Variants in KDM4C observed in about 807,000 individuals in gnomAD.
KDM4C encodes the protein lysine demethylase 4C.
KDM4C carries 81 observed loss-of-function variants against 129.3 expected under a neutral mutation model. The ratio of observed to expected loss-of-function variants is 0.63; its 90% CI spans 0.52 to 0.75. The LOEUF is 0.75. Among genes scored for constraint, KDM4C ranks in the 30% least tolerant of loss-of-function variants. The pLI is 0.00. For missense variants in KDM4C, 1,457 were observed against 1,304.0 expected (o/e 1.12, Z -1.81); for synonymous variants, 573 against 456.1 (o/e 1.26, Z -3.26).
At chr9:6,792,356 A>G (rs1247995531) in intron 1 of KDM4C, among the ~76,000 whole-genome samples, 1 of 101,890 alleles carries the variant, frequency 9.8e-6, no homozygotes, top group Non-Finnish European at 2.1e-5. Flanking sequence ...AAAAATTTTT[A>G]TTTATTTTTT....
intron 2 of KDM4C, among the ~76,000 whole-genome samples, chr9:6,798,611 C>G (rs1335910941): frequency 1.3e-5 from 2 of 152,186 alleles, no homozygotes; most frequent in African/African-American, 4.8e-5. Context: ...TAGTATAGAA[C>G]AAAATGAAAA....
intron 5 of KDM4C, among the ~76,000 whole-genome samples, chr9:6,878,690 A>G (rs575679285): frequency 2.0e-5 from 3 of 152,248 alleles, no homozygotes; most frequent in Admixed American, 6.5e-5. Flanking sequence ...ATATCTCCAT[A>G]TCCTACCTTT....
At chr9:6,832,464 C>T (rs1588571902) in intron 4 of KDM4C, among the ~76,000 whole-genome samples, 1 of 123,770 alleles carries the variant, frequency 8.1e-6, no homozygotes, top group African/African-American at 3.2e-5. Context: ...CTCGCTCTGT[C>T]ACCCAGGCTG....
chr9:7,003,897 C>T (rs561550925), intron 12 of KDM4C, among the ~76,000 whole-genome samples: 2 of 152,270 alleles, frequency 1.3e-5, no homozygotes, highest in South Asian at 4.2e-4. Context: ...CACTTCTGCA[C>T]TTATCCCACC....
At chr9:6,970,454 G>A (rs899574468) in intron 8 of KDM4C, among the ~76,000 whole-genome samples, 4 of 152,214 alleles carry the variant, frequency 2.6e-5, no homozygotes, top group Non-Finnish European at 4.4e-5. Context: ...TGTAGCACAA[G>A]TATTAAATTT....
intron 1 of KDM4C, among the ~76,000 whole-genome samples, chr9:6,732,750 C>G (rs769182727): frequency 1.3e-5 from 2 of 148,370 alleles, no homozygotes; most frequent in Admixed American, 6.7e-5. Context: ...TGATGGCTCA[C>G]GCCTATAACT....
intron 17 of KDM4C, among the ~76,000 whole-genome samples, chr9:7,069,483 C>T (rs1005608680): frequency 1.3e-5 from 2 of 152,096 alleles, no homozygotes; most frequent in African/African-American, 4.8e-5. Flanking sequence ...CTGCACTCCA[C>T]CCTAGGCTAC....
chr9:6,903,223 G>A (rs1290098073), intron 8 of KDM4C, among the ~76,000 whole-genome samples: 2 of 152,136 alleles, frequency 1.3e-5, no homozygotes, highest in African/African-American at 4.8e-5. Flanking sequence ...CATATTCAGG[G>A]TTGTCCTTTG....
intron 17 of KDM4C, among the ~76,000 whole-genome samples, chr9:7,092,461 A>G (rs1248055963): frequency 6.6e-6 from 1 of 152,208 alleles, no homozygotes; most frequent in Non-Finnish European, 1.5e-5. Context: ...CTCATTTTGC[A>G]TTAATCTGAC....
At chr9:6,833,443 G>A (rs1346767756) in intron 4 of KDM4C, among the ~76,000 whole-genome samples, 3 of 152,154 alleles carry the variant, frequency 2.0e-5, no homozygotes, top group Admixed American at 2.0e-4. Flanking sequence ...TGTAGTCAGA[G>A]TTGACTTACT....
At chr9:7,144,624 C>T (rs1002697163) in intron 19 of KDM4C, among the ~76,000 whole-genome samples, 1 of 152,256 alleles carries the variant, frequency 6.6e-6, no homozygotes, top group Admixed American at 6.5e-5. Flanking sequence ...AATGTGGCCC[C>T]TGGCCCCACC....
intron 18 of KDM4C, among the ~76,000 whole-genome samples, chr9:7,127,192 C>G (rs927935346): frequency 1.3e-5 from 2 of 152,100 alleles, no homozygotes; most frequent in Non-Finnish European, 2.9e-5. Flanking sequence ...AGATTATGCA[C>G]AAAACTCAAC....
chr9:7,146,787 G>A lies in KDM4C; in HGVS notation c.2782-18451G>A, dbSNP rs930798613. On this transcript the variant is annotated intron_variant, in intron 19 of 21. Coordinates refer to ENST00000381309, the MANE Select transcript of KDM4C (RefSeq NM_015061.6). ...TCTACCAGTGCTGGAGGATGTTGAC[G>A]CTTGCCTGCCTACCCTACCAGGCTG... Among the ~76,000 whole-genome samples, 6 of 152,160 alleles carry A rather than the reference G, an allele frequency of 3.9e-5. No homozygotes were observed. In the South Asian group the frequency reaches 8.3e-4, roughly 21 times the overall value.
At chr9:6,974,143 A>T (rs118151996) in intron 8 of KDM4C, among the ~76,000 whole-genome samples, 5,396 of 152,270 alleles carry the variant, frequency 0.035, 125 homozygotes, top group Non-Finnish European at 0.051. Context: ...TCAGTTTCTT[A>T]TCCATAAATT....
intron 8 of KDM4C, among the ~76,000 whole-genome samples, chr9:6,927,087 T>TTTTC (rs373017184): frequency 0.075 from 9,070 of 121,126 alleles, 327 homozygotes; most frequent in South Asian, 0.15. Context: ...TCAAAAAAAA[T>TTTTC]TTTCTATCTA....
intron 8 of KDM4C, among the ~76,000 whole-genome samples, chr9:6,973,658 T>G (rs904236276): frequency 6.6e-6 from 1 of 152,232 alleles, no homozygotes; most frequent in African/African-American, 2.4e-5. Flanking sequence ...GCACCCTTGA[T>G]ATACTATTTA....
intron 8 of KDM4C, chr9:6,975,040 T>C (rs1158543863): frequency 6.6e-6 from 1 of 152,238 alleles, no homozygotes; most frequent in African/African-American, 2.4e-5. Context: ...TTTTGCATAG[T>C]TTTTCTTTGT....
chr9:6,897,203 C>CT (rs1354476385), intron 8 of KDM4C, among the ~76,000 whole-genome samples: 2 of 152,152 alleles, frequency 1.3e-5, no homozygotes, highest in African/African-American at 4.8e-5. Flanking sequence ...CTCAAACAGA[C>CT]TTTTTTTGTG....
chr9:6,965,138 AT>A (rs1563898975), intron 8 of KDM4C, among the ~76,000 whole-genome samples: 1 of 151,952 alleles, frequency 6.6e-6, no homozygotes, highest in Non-Finnish European at 1.5e-5. Context: ...CATGTTATTT[AT>A]TTTTAATGAG....
Sources: allele counts gnomAD v4.1 joint callset (sites outside exome capture counted in the v4.1 genomes callset), GRCh38; gene constraint gnomAD v4.1.1; transcripts MANE v1.5; gene names NCBI Gene and HGNC (gene_info 2026-07-23, HGNC 2026-07-21).